The following BLTP3B variants were observed in gnomAD, a reference collection of about 807,000 sequenced individuals.
The protein encoded by BLTP3B is UHRF1 (ICBP90) binding protein 1-like.
chr12:100,124,104 G>T, the BLTP3B span, among the ~76,000 whole-genome samples: 2 of 151,260 alleles, frequency 1.3e-5, no homozygotes, highest in African/African-American at 4.9e-5. Flanking sequence ...ATCTCTACGA[G>T]AATTTTTTTT....
chr12:100,139,816 G>T, the BLTP3B span, among the ~76,000 whole-genome samples: 2 of 152,128 alleles, frequency 1.3e-5, no homozygotes, highest in Admixed American at 6.5e-5. Context: ...AATACATAAA[G>T]AAATAAATAT....
the BLTP3B span, among the ~76,000 whole-genome samples, chr12:100,130,921 A>AATACATAC: frequency 4.9e-3 from 630 of 127,676 alleles, 6 homozygotes; most frequent in African/African-American, 0.016. Flanking sequence ...ATCTCAAAAA[A>AATACATAC]ATACATACAT....
At chr12:100,128,563 G>A in the BLTP3B span, 1 of 1,185,054 alleles carries the variant, frequency 8.4e-7, no homozygotes, top group South Asian at 1.6e-5. Context: ...AAAAAGCATG[G>A]GGAATAGAAG....
chr12:100,099,047 C>T, the BLTP3B span, among the ~76,000 whole-genome samples: 1 of 151,594 alleles, frequency 6.6e-6, no homozygotes, highest in Admixed American at 6.6e-5. Context: ...GGCTGGAGTG[C>T]AGTGGCATGA....
chr12:100,121,106 G>A, the BLTP3B span, among the ~76,000 whole-genome samples: 1 of 152,172 alleles, frequency 6.6e-6, no homozygotes, highest in Admixed American at 6.5e-5. Flanking sequence ...CCAGCACTTT[G>A]GGAGGTCGAG....
the BLTP3B span, chr12:100,058,061 TG>T: frequency 3.8e-6 from 6 of 1,581,732 alleles, no homozygotes; most frequent in Non-Finnish European, 5.1e-6. Context: ...GTGTTCTAAC[TG>T]GGGGGGTCTC....
At chr12:100,063,752 G>A in the BLTP3B span, among the ~76,000 whole-genome samples, 5 of 150,576 alleles carry the variant, frequency 3.3e-5, no homozygotes, top group African/African-American at 9.8e-5. Context: ...ATACCACTCC[G>A]AGGGAACATG....
chr12:100,138,852 TATACAC>T, the BLTP3B span, among the ~76,000 whole-genome samples: 351 of 144,902 alleles, frequency 2.4e-3, no homozygotes, highest in African/African-American at 8.9e-3. Context: ...TGTACATGTG[TATACAC>T]ATACACATAC....
At chr12:100,052,068 ATTT>A in the BLTP3B span, among the ~76,000 whole-genome samples, 1 of 143,176 alleles carries the variant, frequency 7.0e-6, no homozygotes, top group Non-Finnish European at 1.5e-5. Context: ...TTCCCTTTAA[ATTT>A]TTTTTTTTTT....
At chr12:100,124,935 TTTATATATATATATATATA>T in the BLTP3B span, among the ~76,000 whole-genome samples, 1 of 49,378 alleles carries the variant, frequency 2.0e-5, no homozygotes. Flanking sequence ...AAAAAAAAAT[TTTATATATATATATATATA>T]TATATATATA....
At chr12:100,054,570 T>G in the BLTP3B span, among the ~76,000 whole-genome samples, 1 of 152,230 alleles carries the variant, frequency 6.6e-6, no homozygotes, top group African/African-American at 2.4e-5. Context: ...AAATCCTCTA[T>G]TAAGGTAGGA....
At chr12:100,057,877 G>C in the BLTP3B span, 1 of 1,278,534 alleles carries the variant, frequency 7.8e-7, no homozygotes, top group African/African-American at 1.6e-5. Context: ...TAAGCTCAAA[G>C]TGTTTTCATA....
At chr12:100,076,473 A>C in the BLTP3B span, among the ~76,000 whole-genome samples, 8 of 149,606 alleles carry the variant, frequency 5.3e-5, no homozygotes, top group African/African-American at 2.0e-4. Flanking sequence ...GGCCCACAAC[A>C]ACCTCTGCCT....
At chr12:100,086,478 A>G in the BLTP3B span, 1 of 615,568 alleles carries the variant, frequency 1.6e-6, no homozygotes, top group Non-Finnish European at 2.8e-6. Context: ...CTCTTTTATG[A>G]CGGCACATTA....
At chr12:100,065,985 C>T in the BLTP3B span, among the ~76,000 whole-genome samples, 7 of 152,210 alleles carry the variant, frequency 4.6e-5, no homozygotes, top group Middle Eastern at 3.4e-3. Context: ...CACCCCCTGG[C>T]GGCCCAGCTG....
chr12:100,044,685 T>G, the BLTP3B span, among the ~76,000 whole-genome samples: 1 of 151,972 alleles, frequency 6.6e-6, no homozygotes, highest in African/African-American at 2.4e-5. Flanking sequence ...TAAAAAAGTG[T>G]CACTATACAA....
chr12:100,112,012 G>A, the BLTP3B span, among the ~76,000 whole-genome samples: 2 of 151,972 alleles, frequency 1.3e-5, no homozygotes, highest in Admixed American at 1.3e-4. Context: ...AAAGTGCTGG[G>A]ATTACAGGTG....
chr12:100,082,875 TA>T, the BLTP3B span: 1 of 613,576 alleles, frequency 1.6e-6, no homozygotes, highest in Admixed American at 3.1e-5. Context: ...AATAAACTGA[TA>T]TTTTCTATGC....
At chr12:100,065,059 C>T in the BLTP3B span, among the ~76,000 whole-genome samples, 144 of 152,040 alleles carry the variant, frequency 9.5e-4, 1 homozygote, top group African/African-American at 3.2e-3. Context: ...AGTCAGGGAC[C>T]CTGAACAGAG....
Sources: gnomAD v4.1 joint callset for allele counts (sites outside exome capture counted in the v4.1 genomes callset) on GRCh38, gnomAD v4.1.1 for gene constraint, MANE v1.5 for transcripts, NCBI Gene and HGNC (gene_info 2026-07-23, HGNC 2026-07-21) for gene names.